The following VCAN variants were observed in gnomAD, a reference collection of about 807,000 sequenced individuals.
VCAN encodes versican core protein.
A neutral mutation model predicts 245.5 loss-of-function variants in VCAN; 44 were observed. The observed-to-expected ratio is 0.18, with a 90% CI of 0.14 to 0.23. The LOEUF (loss-of-function observed/expected upper bound fraction) is 0.23, where lower values mean the gene tolerates loss of function less well. Ranked by LOEUF, VCAN falls within the 10% of genes least tolerant of loss-of-function variation. The probability of loss-of-function intolerance (pLI) is 1.00; values close to 1 mark genes in which losing one functional copy is unlikely to be tolerated. For missense variants in VCAN, 3,793 were observed against 4,057.9 expected, an observed-to-expected ratio of 0.93 and a Z score of 1.77; for synonymous variants, 1,413 against 1,437.0, an observed-to-expected ratio of 0.98 and a Z score of 0.38.
chr5:83,521,541 G>A lies in VCAN; in HGVS notation c.3235G>A (p.Glu1079Lys), dbSNP rs1746100300. ...DGSAYTVSED[E>K]LLTGSERVPV... ...ATCAGCATATACAGTCTCTGAAGATGAATTGTTGACAGGTTCTGAGAGGGT... is the reference window on the plus strand; with the variant it reads ...ATCAGCATATACAGTCTCTGAAGATAAATTGTTGACAGGTTCTGAGAGGGT... Residue 1079 changes from glutamate to lysine, a missense_variant, in exon 7 of 15, where the codon GAA (glutamate) becomes AAA (lysine). Glu to Lys is a moderately conservative substitution (Grantham distance 56). Coordinates refer to ENST00000265077, the MANE Select transcript of VCAN (RefSeq NM_004385.5). 1 of 1,614,016 alleles carries A rather than the reference G, an allele frequency of 6.2e-7. No homozygotes were observed. The highest frequency in any genetic ancestry group is 8.5e-7 in the Non-Finnish European group (1 of 1,180,006).
At chr5:83,574,151 G>C (rs1748391813) in intron 13 of VCAN, among the ~76,000 whole-genome samples, 1 of 152,086 alleles carries the variant, frequency 6.6e-6, no homozygotes, top group South Asian at 2.1e-4. Context: ...CTTGCCTTCT[G>C]TATCTGTTCT....
intron 11 of VCAN, among the ~76,000 whole-genome samples, chr5:83,553,962 C>T (rs989341114): frequency 6.6e-6 from 1 of 152,052 alleles, no homozygotes; most frequent in Non-Finnish European, 1.5e-5. Context: ...ATAATAGCAC[C>T]CTAATCTTAC....
At chr5:83,483,651 A>T (rs1744692265) in intron 2 of VCAN, 63 bp downstream of exon 2, 1 of 1,429,404 alleles carries the variant, frequency 7.0e-7, no homozygotes. Flanking sequence ...TGGAGGATGA[A>T]ATGGCAATGT....
At chr5:83,550,231 A>T (rs1461820032) in intron 10 of VCAN, among the ~76,000 whole-genome samples, 1 of 152,118 alleles carries the variant, frequency 6.6e-6, no homozygotes, top group Non-Finnish European at 1.5e-5. Flanking sequence ...AAAAGAATAA[A>T]TTTTTGGTGA....
chr5:83,561,122 C>A (rs1747850065), intron 12 of VCAN, among the ~76,000 whole-genome samples: 1 of 152,112 alleles, frequency 6.6e-6, no homozygotes, highest in African/African-American at 2.4e-5. Flanking sequence ...GTCATCTCTA[C>A]ATTGTCAGGA....
Position 83,538,430 on chromosome 5 carries a change from C to T in VCAN, c.5427C>T (p.His1809=), listed in dbSNP as rs779803420. ...LENLGAQTTE[H]SSIHQPGVQE... ...ATTTGGGGGCACAGACCACTGAGCA[C>T]AGCAGTATCCATCAACCTGGGGTTC... Residue 1809 remains histidine (H), a synonymous_variant, in exon 8 of 15, where the codon CAC becomes CAT. Coordinates refer to ENST00000265077, the MANE Select transcript of VCAN (RefSeq NM_004385.5). 4.3e-5 allele frequency: 69 copies of T among 1,614,020 alleles called. 1 individual carries two copies. The East Asian group carries it at 1.5e-3, about 36-fold the overall frequency.
At chr5:83,572,284 A>G (rs1277464148) in intron 12 of VCAN, 132 bp from the exon 13 acceptor site, 1 of 1,133,518 alleles carries the variant, frequency 8.8e-7, no homozygotes, top group South Asian at 1.3e-5. Context: ...CTGTACCACC[A>G]AAATAATTTC....
chr5:83,493,345 G>A (rs898096928), intron 3 of VCAN, among the ~76,000 whole-genome samples: 2 of 152,154 alleles, frequency 1.3e-5, no homozygotes, highest in African/African-American at 4.8e-5. Context: ...GAGCAGAATG[G>A]GATGTCTAGA....
chr5:83,553,245 C>A (rs1020042209), intron 10 of VCAN, 119 bp from the exon 11 acceptor site: 3 of 1,330,780 alleles, frequency 2.3e-6, no homozygotes, highest in Non-Finnish European at 3.2e-6. Flanking sequence ...TTTTATGAAT[C>A]AGTTACTTCA....
rs1748652787 is a variant in VCAN, at chr5:83,581,023, A to C, written c.*589A>C. On this transcript the variant is annotated 3_prime_UTR_variant, in exon 15 of 15. Coordinates refer to ENST00000265077, the MANE Select transcript of VCAN (RefSeq NM_004385.5). Reference sequence around the variant, plus strand: ...TTGCACCTATCTCAGCCATAGGTGCAGTTTGCTTCTACATGATGCTAAAGG... The same window carrying C: ...TTGCACCTATCTCAGCCATAGGTGCCGTTTGCTTCTACATGATGCTAAAGG... 1 of 167,914 alleles carries C rather than the reference A, an allele frequency of 6.0e-6. No homozygotes were observed. The allele number at this position is 167,914 out of a possible 1,614,324, so 10.4% of individuals were successfully genotyped here. A position where few individuals can be genotyped will look rare whatever the true frequency, so the allele number is the denominator to read the frequency against.
intron 7 of VCAN, among the ~76,000 whole-genome samples, chr5:83,524,522 A>G (rs1746218423): frequency 6.8e-6 from 1 of 146,560 alleles, no homozygotes; most frequent in African/African-American, 2.5e-5. Context: ...CTACCTTCCT[A>G]CCTACCTACC....
chr5:83,540,783 C>A lies in VCAN; in HGVS notation c.7780C>A (p.Gln2594Lys). 6.2e-7 allele frequency: 1 copy of A among 1,613,924 alleles called. No homozygotes were observed. ...TGTGTATGAAGACATTCTTGGAATG[C>A]AAACAGATATAGATACAGAGGTACC... ...KPVYEDILGM[Q>K]TDIDTEVPSE... is the part of the protein sequence containing the mutation. Residue 2594 changes from glutamine to lysine, a missense_variant, in exon 8 of 15, where the codon CAA (glutamine) becomes AAA (lysine). Physicochemically the swap from Gln to Lys is moderately conservative, Grantham distance 53 (BLOSUM62 1). Coordinates refer to ENST00000265077, the MANE Select transcript of VCAN (RefSeq NM_004385.5).
intron 12 of VCAN, 139 bp from the exon 13 acceptor site, chr5:83,572,277 T>C: frequency 1.9e-6 from 2 of 1,040,896 alleles, no homozygotes. Flanking sequence ...TCTTTTTCTG[T>C]ACCACCAAAA....
intron 7 of VCAN, among the ~76,000 whole-genome samples, chr5:83,532,420 C>T (rs1302480729): frequency 1.3e-5 from 2 of 152,082 alleles, no homozygotes; most frequent in Admixed American, 1.3e-4. Flanking sequence ...TACCCCACCT[C>T]TCCCTGCTAT....
At chr5:83,512,440 A>G in intron 6 of VCAN, 44 bp downstream of exon 6, 1 of 1,600,256 alleles carries the variant, frequency 6.2e-7, no homozygotes, top group Non-Finnish European at 8.5e-7. Flanking sequence ...TTTAAAAAAA[A>G]TGCTTCGAAG....
chr5:83,540,034 C>G lies in VCAN; in HGVS notation c.7031C>G (p.Pro2344Arg), dbSNP rs1390736257. The stretch of plus-strand genomic sequence containing the variant: ...TTAAGTGACACTGGAGCAGAAGGAC[C>G]CACGGTGGCACCTCTCCCTTTCTCC... ...EILSDTGAEG[P>R]TVAPLPFSTD... The change falls in exon 8 of 15, where the codon CCC (proline) becomes CGC (arginine). Residue 2344 changes from proline (P) to arginine (R), a missense_variant. Physicochemically the swap from Pro to Arg is moderately radical, Grantham distance 103 (BLOSUM62 -2). Coordinates refer to ENST00000265077, the MANE Select transcript of VCAN (RefSeq NM_004385.5). The G allele has an allele frequency of 1.2e-6, 2 of 1,613,984 alleles. No individual in the cohort carries two copies. Among genetic ancestry groups the G allele is most frequent in the Non-Finnish European group, 1.7e-6 (2 of 1,179,954 alleles).
At chr5:83,545,508 T>C (rs1747170392) in intron 8 of VCAN, 29 bp from the exon 9 acceptor site, 1 of 1,590,640 alleles carries the variant, frequency 6.3e-7, no homozygotes, top group African/African-American at 1.3e-5. Context: ...CGAGCCTAAC[T>C]GCTTTTCTTA....
chr5:83,478,614 G>A (rs1160667299), intron 1 of VCAN, among the ~76,000 whole-genome samples: 3 of 152,146 alleles, frequency 2.0e-5, no homozygotes, highest in Non-Finnish European at 2.9e-5. Context: ...CTATGCAGCT[G>A]TCAAAAATAA....
intron 9 of VCAN, 39 bp downstream of exon 9, chr5:83,545,689 C>A: frequency 6.9e-7 from 1 of 1,455,562 alleles, no homozygotes; most frequent in Non-Finnish European, 9.7e-7. Context: ...AGTTCTTTCA[C>A]AGAAGATATA....
Sources: gnomAD v4.1 joint callset for allele counts (sites outside exome capture counted in the v4.1 genomes callset) on GRCh38, gnomAD v4.1.1 for gene constraint, MANE v1.5 for transcripts, NCBI Gene and HGNC (gene_info 2026-07-23, HGNC 2026-07-21) for gene names.